ABLIM1: variants seen among roughly 807,000 people sequenced by gnomAD.
ABLIM1 encodes the protein actin binding LIM protein 1.
ABLIM1 carries 40 observed loss-of-function variants against 107.0 expected under a neutral mutation model. The observed-to-expected ratio is 0.37, with a 90% CI of 0.29 to 0.49. The LOEUF is 0.49. Among genes scored for constraint, ABLIM1 ranks in the 20% least tolerant of loss-of-function variants. The pLI is 0.97. For missense variants in ABLIM1, 857 were observed against 1,008.5 expected, an observed-to-expected ratio of 0.85 and a Z score of 2.04; for synonymous variants, 357 against 357.3, an observed-to-expected ratio of 1.00 and a Z score of 0.01.
intron 6 of ABLIM1, among the ~76,000 whole-genome samples, chr10:114,502,833 C>T (rs2060608999): frequency 6.6e-6 from 1 of 152,122 alleles, no homozygotes; most frequent in Non-Finnish European, 1.5e-5. Context: ...CATAAGTTTT[C>T]ATAAATGCAA....
At chr10:114,459,138 G>A (rs929891578) in intron 12 of ABLIM1, among the ~76,000 whole-genome samples, 3 of 152,260 alleles carry the variant, frequency 2.0e-5, no homozygotes, top group African/African-American at 7.2e-5. Flanking sequence ...GTGGACTTGG[G>A]CAATGGAAGG....
At chr10:114,611,861 C>T (rs570949960) in intron 1 of ABLIM1, among the ~76,000 whole-genome samples, 41 of 152,266 alleles carry the variant, frequency 2.7e-4, no homozygotes, top group South Asian at 1.5e-3. Context: ...TGAAATGACA[C>T]CCTTCTTTGA....
At chr10:114,485,319 G>A (rs1173043615) in intron 8 of ABLIM1, 1 of 1,613,108 alleles carries the variant, frequency 6.2e-7, no homozygotes, top group Non-Finnish European at 8.5e-7. Context: ...AGACCGTCCT[G>A]TGCGTCGAAT....
chr10:114,460,513 A>G (rs1235638473), intron 12 of ABLIM1, among the ~76,000 whole-genome samples: 1 of 152,210 alleles, frequency 6.6e-6, no homozygotes, highest in African/African-American at 2.4e-5. Flanking sequence ...AGGCAGAAGA[A>G]TCGCTTGAAG....
At chr10:114,636,583 T>C (rs2078490865) in intron 1 of ABLIM1, among the ~76,000 whole-genome samples, 1 of 152,142 alleles carries the variant, frequency 6.6e-6, no homozygotes, top group Non-Finnish European at 1.5e-5. Flanking sequence ...GTCAACAGAA[T>C]AAAAAGCCAT....
intron 1 of ABLIM1, among the ~76,000 whole-genome samples, chr10:114,676,309 T>C (rs2080481250): frequency 6.6e-6 from 1 of 152,026 alleles, no homozygotes; most frequent in African/African-American, 2.4e-5. Context: ...AAATACCGTC[T>C]CTACTAAAAA....
chr10:114,547,677 T>C lies in ABLIM1; in HGVS notation c.773A>G (p.Lys258Arg). 2 of 1,613,854 alleles carry C rather than the reference T, an allele frequency of 1.2e-6. No homozygotes were observed. The highest frequency in any genetic ancestry group is 1.1e-5 in the South Asian group (1 of 91,086). ...LGCFKCKSCGKVLTGEYISKD... is the reference protein window; with the variant it reads ...LGCFKCKSCGRVLTGEYISKD... The stretch of plus-strand genomic sequence containing the variant: ...GCTGATGTACTCCCCGGTGAGGACC[T>C]TCCCGCAGGACTTGCATTTAAAGCA... The change falls in exon 5 of 23, where the codon AAG becomes AGG. Residue 258 changes from lysine (K) to arginine (R), a missense_variant. Coordinates refer to ENST00000533213, the MANE Select transcript of ABLIM1 (RefSeq NM_002313.7).
intron 1 of ABLIM1, among the ~76,000 whole-genome samples, chr10:114,695,363 A>AC (rs989667007): frequency 6.6e-6 from 1 of 151,838 alleles, no homozygotes; most frequent in African/African-American, 2.4e-5. Context: ...TAATACTCAC[A>AC]CCCCCCACTG....
intron 8 of ABLIM1, among the ~76,000 whole-genome samples, 154 bp downstream of exon 8, chr10:114,487,804 C>T (rs190308039): frequency 4.6e-5 from 7 of 152,150 alleles, no homozygotes; most frequent in Non-Finnish European, 8.8e-5. Flanking sequence ...AGAGGGGAAC[C>T]CTTTCCCTAG....
At chr10:114,524,834 A>C (rs2064388668) in intron 6 of ABLIM1, among the ~76,000 whole-genome samples, 1 of 152,226 alleles carries the variant, frequency 6.6e-6, no homozygotes. Context: ...CAAGTCCTTG[A>C]ATCTGATACC....
At chr10:114,713,441 A>G (rs2081594654) in intron 1 of ABLIM1, among the ~76,000 whole-genome samples, 3 of 152,318 alleles carry the variant, frequency 2.0e-5, no homozygotes, top group Admixed American at 6.5e-5. Flanking sequence ...AAACTATACA[A>G]CCCAGAGAAA....
chr10:114,462,990 G>A (rs7920878), intron 12 of ABLIM1: 506,459 of 1,300,742 alleles, frequency 0.39, 100,710 homozygotes, highest in African/African-American at 0.61. Context: ...CCTTCCCAGG[G>A]TGCTAATAAA....
At chr10:114,684,190 A>G in intron 1 of ABLIM1, 1 of 1,257,202 alleles carries the variant, frequency 8.0e-7, no homozygotes, top group Non-Finnish European at 1.1e-6. Flanking sequence ...GTGTAAAACA[A>G]TTTTATCAAA....
intron 1 of ABLIM1, among the ~76,000 whole-genome samples, chr10:114,634,721 ACAGT>A (rs2078392061): frequency 6.6e-6 from 1 of 152,060 alleles, no homozygotes; most frequent in African/African-American, 2.4e-5. Flanking sequence ...TTTCTGTGCC[ACAGT>A]CAAAGTGAAT....
At chr10:114,628,352 T>C (rs1488180658) in intron 1 of ABLIM1, among the ~76,000 whole-genome samples, 1 of 152,198 alleles carries the variant, frequency 6.6e-6, no homozygotes, top group Admixed American at 6.5e-5. Flanking sequence ...TATGTAGAGG[T>C]CAGGATTGCT....
intron 1 of ABLIM1, among the ~76,000 whole-genome samples, chr10:114,651,202 A>C (rs770242003): frequency 2.1e-4 from 32 of 152,186 alleles, no homozygotes; most frequent in Non-Finnish European, 4.0e-4. Flanking sequence ...TCACTCATTC[A>C]TTTACTCATC....
chr10:114,640,857 G>A (rs945518880), intron 1 of ABLIM1, among the ~76,000 whole-genome samples: 1 of 152,238 alleles, frequency 6.6e-6, no homozygotes, highest in Admixed American at 6.5e-5. Flanking sequence ...TTATATTTGA[G>A]TACCACTAAT....
chr10:114,736,771 A>C (rs2082188701), intron 1 of ABLIM1, among the ~76,000 whole-genome samples: 1 of 145,842 alleles, frequency 6.9e-6, no homozygotes, highest in Non-Finnish European at 1.6e-5. Context: ...GTTGCTGAAC[A>C]TCCTACTAAC....
chr10:114,703,786 T>A (rs2081351832), intron 1 of ABLIM1, among the ~76,000 whole-genome samples: 1 of 152,216 alleles, frequency 6.6e-6, no homozygotes, highest in African/African-American at 2.4e-5. Context: ...AGTTCATTCA[T>A]CTGAACAGAG....
Sources: allele counts gnomAD v4.1 joint callset (sites outside exome capture counted in the v4.1 genomes callset), GRCh38; gene constraint gnomAD v4.1.1; transcripts MANE v1.5; gene names NCBI Gene and HGNC (gene_info 2026-07-23, HGNC 2026-07-21).